Variants in ST18 observed in about 807,000 individuals in gnomAD.
ST18 encodes the protein suppression of tumorigenicity 18 protein.
In ST18, 50 loss-of-function variants were observed where a neutral mutation model predicts 110.0. That is an observed-to-expected ratio of 0.45 (90% confidence interval 0.36 to 0.58). The LOEUF (loss-of-function observed/expected upper bound fraction) is 0.58. ST18 is among the 20% of genes least tolerant of loss of function. The probability of loss-of-function intolerance (pLI) is 0.00; values close to 1 mark genes in which losing one functional copy is unlikely to be tolerated. For synonymous variants in ST18, 461 were observed against 452.4 expected (o/e 1.02, Z -0.24); for missense variants, 1,306 against 1,280.1 (o/e 1.02, Z -0.31).
intron 2 of ST18, among the ~76,000 whole-genome samples, chr8:52,281,832 G>A (rs1411529169): frequency 1.3e-5 from 2 of 152,188 alleles, no homozygotes; most frequent in Non-Finnish European, 2.9e-5. Flanking sequence ...TCATAAGTGG[G>A]AGCTAAGCTA....
chr8:52,358,874 C>A (rs1278202600), intron 2 of ST18, among the ~76,000 whole-genome samples: 1 of 151,712 alleles, frequency 6.6e-6, no homozygotes, highest in South Asian at 2.1e-4. Flanking sequence ...ATGAGGCCAG[C>A]CTTACCCTTA....
At chr8:52,187,789 T>C (rs995292715) in intron 8 of ST18, among the ~76,000 whole-genome samples, 9 of 152,230 alleles carry the variant, frequency 5.9e-5, no homozygotes, top group Non-Finnish European at 1.2e-4. Context: ...ACATTTGGCC[T>C]AATTACCCAA....
At chr8:52,316,295 T>C (rs1365471494) in intron 2 of ST18, among the ~76,000 whole-genome samples, 1 of 152,116 alleles carries the variant, frequency 6.6e-6, no homozygotes, top group Non-Finnish European at 1.5e-5. Flanking sequence ...TTCCAGGCAA[T>C]AGGATTTACA....
At chr8:52,190,038 C>G (rs2073958818) in intron 8 of ST18, among the ~76,000 whole-genome samples, 1 of 152,100 alleles carries the variant, frequency 6.6e-6, no homozygotes, top group Admixed American at 6.6e-5. Flanking sequence ...TATCTCAAAT[C>G]CAAAGATTCA....
intron 2 of ST18, among the ~76,000 whole-genome samples, chr8:52,233,145 T>C (rs1271169398): frequency 3.9e-5 from 6 of 152,214 alleles, no homozygotes; most frequent in Non-Finnish European, 8.8e-5. Context: ...ACCTTCTTGG[T>C]ACAGAACACT....
At chr8:52,274,316 T>C (rs903491406) in intron 2 of ST18, among the ~76,000 whole-genome samples, 7 of 152,132 alleles carry the variant, frequency 4.6e-5, no homozygotes, top group African/African-American at 7.2e-5. Flanking sequence ...AAATATGTTA[T>C]GTAGATAAAA....
intron 8 of ST18, among the ~76,000 whole-genome samples, chr8:52,208,710 A>C (rs1054446255): frequency 6.6e-6 from 1 of 152,168 alleles, no homozygotes; most frequent in Non-Finnish European, 1.5e-5. Context: ...CCCAGCTGCT[A>C]GGGAGGCTGA....
chr8:52,190,971 C>A (rs564784610), intron 8 of ST18, among the ~76,000 whole-genome samples: 1 of 152,290 alleles, frequency 6.6e-6, no homozygotes, highest in Admixed American at 6.5e-5. Context: ...ATTATTGCAT[C>A]TCACACTTCC....
chr8:52,184,564 G>T (rs1403889779), intron 8 of ST18, among the ~76,000 whole-genome samples: 1 of 152,050 alleles, frequency 6.6e-6, no homozygotes, highest in African/African-American at 2.4e-5. Context: ...TAACACTAGT[G>T]ATCAATTCTG....
intron 2 of ST18, among the ~76,000 whole-genome samples, chr8:52,396,374 T>C (rs1021857902): frequency 1.4e-4 from 22 of 152,208 alleles, no homozygotes; most frequent in Non-Finnish European, 2.6e-4. Context: ...AATATTTTTC[T>C]TTCTGTGTCT....
rs377611216 is a variant in ST18 at position 52,218,953 on chromosome 8, T to C, written c.-156-1052A>G. Among the ~76,000 whole-genome samples the C allele has an allele frequency of 8.0e-4, 121 of 152,156 alleles. No individual in the cohort carries two copies. The Middle Eastern group carries it at 0.02, about 26-fold the overall frequency. On this transcript the variant is annotated intron_variant, in intron 5 of 25. Transcript: ENST00000689386. ...GAACGCTTTATCTACAGTGGATGCT[T>C]CCTTTTCAAAAATCACGTTTTTTAA...
chr8:52,339,820 C>T (rs6473707), intron 2 of ST18, among the ~76,000 whole-genome samples: 148,045 of 152,364 alleles, frequency 0.97, 72,066 homozygotes, highest in Middle Eastern at 1. Context: ...TATTTGGATG[C>T]TACTCATTTT....
intron 16 of ST18, among the ~76,000 whole-genome samples, chr8:52,146,863 ATG>A (rs1264439148): frequency 6.6e-6 from 1 of 152,184 alleles, no homozygotes; most frequent in East Asian, 1.9e-4. Context: ...AAGTACTTTT[ATG>A]TGTGTGTCTC....
chr8:52,262,912 C>G (rs2094739463), intron 2 of ST18, among the ~76,000 whole-genome samples: 3 of 152,184 alleles, frequency 2.0e-5, no homozygotes, highest in Non-Finnish European at 4.4e-5. Flanking sequence ...GTGACTGTCT[C>G]CCAGAAAACT....
At chr8:52,196,114 G>T (rs1043318506) in intron 8 of ST18, among the ~76,000 whole-genome samples, 1 of 152,050 alleles carries the variant, frequency 6.6e-6, no homozygotes. Flanking sequence ...AAAATGACTT[G>T]GGTGCTGCTT....
intron 2 of ST18, among the ~76,000 whole-genome samples, chr8:52,305,824 G>C (rs2095803511): frequency 6.6e-6 from 1 of 152,184 alleles, no homozygotes; most frequent in South Asian, 2.1e-4. Context: ...CTGGATGACT[G>C]CAAGTGTCTC....
At chr8:52,344,542 G>A (rs759785258) in intron 2 of ST18, among the ~76,000 whole-genome samples, 5 of 151,714 alleles carry the variant, frequency 3.3e-5, no homozygotes, top group African/African-American at 4.8e-5. Flanking sequence ...CTGGGATTAC[G>A]GGGGCCCACC....
At chr8:52,310,424 A>C (rs181942793) in intron 2 of ST18, among the ~76,000 whole-genome samples, 445 of 152,292 alleles carry the variant, frequency 2.9e-3, no homozygotes, top group Non-Finnish European at 4.6e-3. Flanking sequence ...AAGGTTGCTC[A>C]ATATTTCCAC....
intron 9 of ST18, among the ~76,000 whole-genome samples, chr8:52,179,237 G>A (rs1450041962): frequency 6.6e-6 from 1 of 152,130 alleles, no homozygotes; most frequent in Non-Finnish European, 1.5e-5. Context: ...AAAGTGATCA[G>A]TGATATTCAA....
Sources: allele counts gnomAD v4.1 joint callset (sites outside exome capture counted in the v4.1 genomes callset), GRCh38; gene constraint gnomAD v4.1.1; transcripts MANE v1.5; gene names NCBI Gene and HGNC (gene_info 2026-07-23, HGNC 2026-07-21).